Variants in PEX7 observed in about 807,000 individuals in gnomAD.
PEX7 encodes the protein peroxisomal biogenesis factor 7.
A neutral mutation model predicts 47.5 loss-of-function variants in PEX7; 34 were observed. That is an observed-to-expected ratio of 0.72 (90% CI 0.54 to 0.95). The LOEUF is 0.95. Among genes scored for constraint, PEX7 ranks in the 40% least tolerant of loss-of-function variants. The probability of loss-of-function intolerance (pLI) is 0.00; values close to 1 mark genes in which losing one functional copy is unlikely to be tolerated. For missense variants in PEX7, 394 were observed against 400.3 expected, an observed-to-expected ratio of 0.98 and a Z score of 0.13; for synonymous variants, 141 against 148.8, an observed-to-expected ratio of 0.95 and a Z score of 0.38.
chr6:136,844,424 A>G (rs927121166), intron 3 of PEX7, among the ~76,000 whole-genome samples: 2 of 152,072 alleles, frequency 1.3e-5, no homozygotes, highest in African/African-American at 4.8e-5. Flanking sequence ...TGATCTAAAT[A>G]TATCTTGAGT....
Position 136,826,577 on chromosome 6 carries a change from C to G in PEX7, c.339+108C>G. The G allele has an allele frequency of 2.3e-6, 3 of 1,296,878 alleles. No individual in the cohort carries two copies. In the South Asian group the frequency reaches 3.7e-5, roughly 16 times the overall value. The allele number at this position is 1,296,878 out of a possible 1,614,324, so 80.3% of individuals were successfully genotyped here. A position where few individuals can be genotyped will look rare whatever the true frequency, so the allele number is the denominator to read the frequency against. On this transcript the variant is annotated intron_variant, in intron 3 of 9. Transcript: ENST00000318471. ...AATATCTTCAGGGGACAAGTTTAAA[C>G]GTTAGCATTTCTTATACATACTAGA...
At chr6:136,845,824 T>C (rs538621257) in intron 4 of PEX7, 132 bp downstream of exon 4, 1 of 715,426 alleles carries the variant, frequency 1.4e-6, no homozygotes, top group African/African-American at 1.8e-5. Context: ...AAAAAAAAAA[T>C]TAAAACACTT....
At chr6:136,827,166 C>T (rs1774207153) in intron 3 of PEX7, among the ~76,000 whole-genome samples, 1 of 151,656 alleles carries the variant, frequency 6.6e-6, no homozygotes, top group South Asian at 2.1e-4. Flanking sequence ...CAGTGCCTGG[C>T]CCGAGAAGGC....
At chr6:136,876,571 T>C (rs561420540) in intron 8 of PEX7, among the ~76,000 whole-genome samples, 2 of 152,280 alleles carry the variant, frequency 1.3e-5, no homozygotes, top group South Asian at 4.1e-4. Context: ...CTCCCACTTA[T>C]GAGTGAGAAC....
intron 3 of PEX7, among the ~76,000 whole-genome samples, chr6:136,833,837 A>C (rs1774337680): frequency 6.6e-6 from 1 of 152,116 alleles, no homozygotes; most frequent in African/African-American, 2.4e-5. Flanking sequence ...TTATATTTTA[A>C]AGTTTAGACT....
chr6:136,848,327 C>G (rs1208591501), intron 5 of PEX7, among the ~76,000 whole-genome samples: 1 of 152,088 alleles, frequency 6.6e-6, no homozygotes, highest in East Asian at 1.9e-4. Context: ...AATTGAATAC[C>G]CTTTATTTCT....
At chr6:136,865,501 G>C (rs1196851472) in intron 5 of PEX7, among the ~76,000 whole-genome samples, 1 of 152,098 alleles carries the variant, frequency 6.6e-6, no homozygotes, top group Non-Finnish European at 1.5e-5. Context: ...GTTTCATCAT[G>C]TTGGCCAGGC....
chr6:136,867,700 C>A lies in PEX7; in HGVS notation c.633+967C>A, dbSNP rs1261126980. Reference sequence around the variant, plus strand: ...GGCTGAGGCAGGGGAATCGCTTGAACTGGGAGGCAGAGGCTGCAGTGAGCC... The same window carrying A: ...GGCTGAGGCAGGGGAATCGCTTGAAATGGGAGGCAGAGGCTGCAGTGAGCC... On this transcript the variant is annotated intron_variant, in intron 6 of 9. Transcript: ENST00000318471. Among the ~76,000 whole-genome samples the A allele has an allele frequency of 2.0e-5, 3 of 151,908 alleles. No homozygotes were observed. In the South Asian group the frequency reaches 6.2e-4, roughly 32 times the overall value.
chr6:136,882,508 AC>A (rs752890182), intron 8 of PEX7, among the ~76,000 whole-genome samples: 24 of 151,498 alleles, frequency 1.6e-4, no homozygotes, highest in Non-Finnish European at 3.4e-4. Flanking sequence ...CATCTTTCCA[AC>A]CCTATTCCCT....
At position 136,872,259 on chromosome 6, in the gene PEX7, G is replaced by C. The variant is rs1445637798; in HGVS notation, c.803+6G>C. 8.1e-6 allele frequency: 13 copies of C among 1,607,682 alleles called. No individual in the cohort carries two copies. Among genetic ancestry groups the C allele is most frequent in the Non-Finnish European group, 1.0e-5 (12 of 1,177,086 alleles). On this transcript the variant is annotated splice_donor_region_variant and intron_variant, in intron 8 of 9. Transcript: ENST00000318471. ...TCGTATGATTTTACTGTAAGGTACA[G>C]TGGTTTTTAATACATTTCATTGTGA...
intron 5 of PEX7, among the ~76,000 whole-genome samples, chr6:136,850,998 A>ATT (rs71009515): frequency 0.013 from 1,145 of 87,256 alleles, 28 homozygotes; most frequent in African/African-American, 0.049. Context: ...TTTATTTTTA[A>ATT]TTTTTTTTTT....
chr6:136,863,142 A>G, intron 5 of PEX7, among the ~76,000 whole-genome samples: 1 of 152,188 alleles, frequency 6.6e-6, no homozygotes, highest in East Asian at 1.9e-4. Context: ...TTTCAAACTT[A>G]TCATTCATTT....
At chr6:136,907,484 T>G (rs1267553477) in intron 9 of PEX7, among the ~76,000 whole-genome samples, 1 of 149,176 alleles carries the variant, frequency 6.7e-6, no homozygotes, top group Non-Finnish European at 1.5e-5. Context: ...GAGTTAACTG[T>G]GATTTTTTTT....
chr6:136,890,413 A>G (rs1189168689), intron 8 of PEX7, among the ~76,000 whole-genome samples: 1 of 152,210 alleles, frequency 6.6e-6, no homozygotes, highest in African/African-American at 2.4e-5. Context: ...GAAACTGTAC[A>G]GCCGACTTTG....
chr6:136,884,129 T>C (rs1775426256), intron 8 of PEX7, among the ~76,000 whole-genome samples: 2 of 152,252 alleles, frequency 1.3e-5, no homozygotes. Context: ...ATTACATGTA[T>C]ATATATTTGT....
At chr6:136,835,043 G>T (rs914772770) in intron 3 of PEX7, among the ~76,000 whole-genome samples, 1 of 151,138 alleles carries the variant, frequency 6.6e-6, no homozygotes, top group African/African-American at 2.4e-5. Context: ...AGGTTCAAGT[G>T]ATTGTCCTGC....
At chr6:136,897,801 A>G (rs573125838) in intron 8 of PEX7, among the ~76,000 whole-genome samples, 22 of 152,336 alleles carry the variant, frequency 1.4e-4, no homozygotes, top group African/African-American at 5.0e-4. Flanking sequence ...AGAAATTGCT[A>G]CAAAAGCATA....
At chr6:136,871,231 A>G (rs977360637) in intron 7 of PEX7, among the ~76,000 whole-genome samples, 2 of 152,202 alleles carry the variant, frequency 1.3e-5, no homozygotes, top group African/African-American at 2.4e-5. Context: ...ATATATGTGT[A>G]TTTAACTATT....
At chr6:136,854,738 A>G (rs1235332571) in intron 5 of PEX7, among the ~76,000 whole-genome samples, 2 of 152,130 alleles carry the variant, frequency 1.3e-5, no homozygotes, top group African/African-American at 4.8e-5. Flanking sequence ...TACAGTTTCA[A>G]AGGAGTCATT....
Sources: allele counts gnomAD v4.1 joint callset (sites outside exome capture counted in the v4.1 genomes callset), GRCh38; gene constraint gnomAD v4.1.1; transcripts MANE v1.5; gene names NCBI Gene and HGNC (gene_info 2026-07-23, HGNC 2026-07-21).